SLC6A17: variants seen among roughly 807,000 people sequenced by gnomAD.
SLC6A17 encodes the protein sodium-dependent neutral amino acid transporter SLC6A17.
A neutral mutation model predicts 64.5 loss-of-function variants in SLC6A17; 21 were observed. The observed-to-expected ratio is 0.33, with a 90% CI of 0.23 to 0.47. The LOEUF is 0.47. Among genes scored for constraint, SLC6A17 ranks in the 20% least tolerant of loss-of-function variants. The pLI, the probability that SLC6A17 is intolerant of heterozygous loss-of-function variation, is 1.00. For synonymous variants in SLC6A17, 372 were observed against 399.5 expected (o/e 0.93, Z 0.82); for missense variants, 682 against 963.2 (o/e 0.71, Z 3.86).
chr1:110,169,455 C>T (rs1656158989), intron 2 of SLC6A17, among the ~76,000 whole-genome samples: 1 of 152,012 alleles, frequency 6.6e-6, no homozygotes, highest in Non-Finnish European at 1.5e-5. Flanking sequence ...ATGAGAAAAC[C>T]AGCAGCACAG....
chr1:110,162,195 G>T (rs1280659405), intron 1 of SLC6A17, among the ~76,000 whole-genome samples: 2 of 152,234 alleles, frequency 1.3e-5, no homozygotes, highest in African/African-American at 4.8e-5. Context: ...GCTACTAAGG[G>T]GGGGATAATT....
chr1:110,193,665 C>T (rs1312082202), intron 8 of SLC6A17, among the ~76,000 whole-genome samples: 1 of 152,226 alleles, frequency 6.6e-6, no homozygotes, highest in Non-Finnish European at 1.5e-5. Flanking sequence ...CCAACCCTTT[C>T]CCTGCGGATC....
At chr1:110,151,295 C>A (rs1168732155) in intron 1 of SLC6A17, among the ~76,000 whole-genome samples, 2 of 152,268 alleles carry the variant, frequency 1.3e-5, no homozygotes, top group East Asian at 3.9e-4. Context: ...GAGCCTCTTA[C>A]GCAGCTGGAG....
rs1279164124 is a variant in SLC6A17 at position 110,199,357 on chromosome 1, C to G, written c.*913C>G. 6.6e-6 allele frequency: 1 copy of G among 152,262 alleles called. No homozygotes were observed. The highest frequency in any genetic ancestry group is 1.5e-5 in the Non-Finnish European group (1 of 68,092). 9.4% of individuals were successfully genotyped at this position (152,262 alleles called of 1,614,324 possible). On this transcript the variant is annotated 3_prime_UTR_variant, in exon 12 of 12. Transcript: ENST00000331565. ...GAGCACAAATTGTTGGTTCCTAGCA[C>G]AAATTAGATGGTTTGGAGCACAATG...
intron 6 of SLC6A17, among the ~76,000 whole-genome samples, chr1:110,185,429 G>A (rs1043885179): frequency 3.3e-5 from 5 of 152,250 alleles, no homozygotes; most frequent in Admixed American, 3.3e-4. Context: ...GAAGCAAGGT[G>A]TGTGCTCCTG....
rs1164934275 is a variant in SLC6A17 at position 110,195,612 on chromosome 1, G to A, written c.1519G>A (p.Val507Met). ...TVGCCVFAFLVGLLFVQRSGN... is the reference protein window; with the variant it reads ...TVGCCVFAFLMGLLFVQRSGN... ...GGGCTGCTGTGTCTTTGCATTCCTCGTGGGGCTGTTGTTCGTCCAGCGCTC... is the reference window on the plus strand; with the variant it reads ...GGGCTGCTGTGTCTTTGCATTCCTCATGGGGCTGTTGTTCGTCCAGCGCTC... Residue 507 changes from valine (V) to methionine (M), a missense_variant, in exon 10 of 12, where the codon GTG becomes ATG. By Grantham distance (21) the Val-to-Met change is conservative. Transcript: ENST00000331565. 4.3e-6 allele frequency: 7 copies of A among 1,614,206 alleles called. No homozygotes were observed. The highest frequency in any genetic ancestry group is 5.9e-6 in the Non-Finnish European group (7 of 1,180,040).
chr1:110,164,530 G>GC (rs1468760136), intron 1 of SLC6A17, among the ~76,000 whole-genome samples: 7 of 152,246 alleles, frequency 4.6e-5, no homozygotes, highest in African/African-American at 1.7e-4. Context: ...CTGCAGCCCA[G>GC]CCCAGTGCCT....
intron 8 of SLC6A17, among the ~76,000 whole-genome samples, chr1:110,193,603 C>G (rs1030556862): frequency 6.6e-6 from 1 of 152,214 alleles, no homozygotes; most frequent in Non-Finnish European, 1.5e-5. Context: ...TGTTAAAAGT[C>G]AGCTCCATTG....
chr1:110,194,750 G>A lies in SLC6A17; in HGVS notation c.1471G>A (p.Val491Met). ...CACGCCCATCATCGACACCTTCAAGGTGCCCAAGGAGATGTTCACAGGTAA... is the reference window on the plus strand; with the variant it reads ...CACGCCCATCATCGACACCTTCAAGATGCCCAAGGAGATGTTCACAGGTAA... The part of the protein sequence containing the change: ...ITTPIIDTFK[V>M]PKEMFTVGCC... The change falls in exon 9 of 12, where the codon GTG becomes ATG. Residue 491 changes from valine to methionine, a missense_variant. Physicochemically the swap from Val to Met is conservative, Grantham distance 21. This residue lies in a region of SLC6A17 where 264 missense variants were observed against 339.5 expected (regional missense o/e 0.78). Transcript: ENST00000331565. 1 of 1,613,816 alleles carries A rather than the reference G, an allele frequency of 6.2e-7. No homozygotes were observed. Among genetic ancestry groups the A allele is most frequent in the Non-Finnish European group, 8.5e-7 (1 of 1,180,024 alleles).
chr1:110,167,274 T>C, intron 2 of SLC6A17, 59 bp downstream of exon 2: 3 of 1,550,680 alleles, frequency 1.9e-6, no homozygotes, highest in South Asian at 1.2e-5. Context: ...GGATGAGGGG[T>C]AAAAAAGAAC....
chr1:110,160,696 T>G (rs777405994), intron 1 of SLC6A17, among the ~76,000 whole-genome samples: 29 of 152,194 alleles, frequency 1.9e-4, no homozygotes, highest in Admixed American at 3.3e-4. Flanking sequence ...GCAGGGGACC[T>G]AGAAGGCTTC....
intron 11 of SLC6A17, 36 bp from the exon 12 acceptor site, chr1:110,198,040 G>A: frequency 1.3e-6 from 2 of 1,574,542 alleles, no homozygotes; most frequent in Non-Finnish European, 1.7e-6. Flanking sequence ...GGCTGTCACA[G>A]TGCCGGCAGC....
At chr1:110,159,803 A>G (rs1655860255) in intron 1 of SLC6A17, among the ~76,000 whole-genome samples, 1 of 152,240 alleles carries the variant, frequency 6.6e-6, no homozygotes, top group South Asian at 2.1e-4. Context: ...ATATTGCATC[A>G]GAAAATGGAA....
intron 1 of SLC6A17, among the ~76,000 whole-genome samples, chr1:110,162,838 C>G (rs145097500): frequency 5.9e-5 from 9 of 152,094 alleles, no homozygotes; most frequent in Non-Finnish European, 1.0e-4. Context: ...AAGACCAGTA[C>G]AATGTATCCT....
At chr1:110,196,335 A>G (rs1171015969) in intron 10 of SLC6A17, among the ~76,000 whole-genome samples, 1 of 152,238 alleles carries the variant, frequency 6.6e-6, no homozygotes, top group African/African-American at 2.4e-5. Flanking sequence ...AGCATCGACC[A>G]TGACCACATT....
At position 110,192,390 on chromosome 1, in the gene SLC6A17, A is replaced by T; in HGVS notation, c.1107-116A>T. ...CCGGGCCACAGGGACAAGCTCAGAG[A>T]TGCCTCTGTCAGTGACCCATGAGGT... is the stretch of plus-strand genomic sequence containing the variant. On this transcript the variant is annotated intron_variant, in intron 7 of 11. Transcript: ENST00000331565. The surrounding 1 kb of genome is among the most constrained non-coding windows in gnomAD (Gnocchi z 4.3). 1 of 1,446,862 alleles carries T rather than the reference A, an allele frequency of 6.9e-7. No individual in the cohort carries two copies. The highest frequency in any genetic ancestry group is 9.4e-7 in the Non-Finnish European group (1 of 1,068,916). 89.6% of individuals were successfully genotyped at this position (1,446,862 alleles called of 1,614,324 possible).
At chr1:110,189,167 GTC>G (rs1304288602) in intron 6 of SLC6A17, among the ~76,000 whole-genome samples, 2 of 152,216 alleles carry the variant, frequency 1.3e-5, no homozygotes, top group Non-Finnish European at 2.9e-5. Flanking sequence ...TCTCCAGCTT[GTC>G]TCTCTCTGGC....
chr1:110,171,686 G>A (rs1190941683), intron 2 of SLC6A17, among the ~76,000 whole-genome samples: 1 of 152,076 alleles, frequency 6.6e-6, no homozygotes, highest in East Asian at 1.9e-4. Context: ...TGGTCAGGAG[G>A]GGGTGTGAAC....
intron 1 of SLC6A17, among the ~76,000 whole-genome samples, chr1:110,164,764 C>G (rs1180750161): frequency 9.2e-5 from 14 of 152,200 alleles, no homozygotes; most frequent in Non-Finnish European, 2.1e-4. Context: ...TAAAATGATG[C>G]TTTTTTCCTC....
Sources: gnomAD v4.1 joint callset for allele counts (sites outside exome capture counted in the v4.1 genomes callset) on GRCh38, gnomAD v4.1.1 for gene constraint, gnomAD v4.1.1 regional missense constraint, Gnocchi (gnomAD v3.1) non-coding constraint, MANE v1.5 for transcripts, NCBI Gene and HGNC (gene_info 2026-07-23, HGNC 2026-07-21) for gene names.